NUP210: variants seen among roughly 807,000 people sequenced by gnomAD.
NUP210 encodes the protein nuclear pore membrane glycoprotein 210.
Under a neutral mutation model 196.0 loss-of-function variants are expected in NUP210, and 151 were observed. The observed-to-expected ratio is 0.77, with a 90% confidence interval of 0.67 to 0.88. The LOEUF (loss-of-function observed/expected upper bound fraction) is 0.88. NUP210 is among the 40% of genes least tolerant of loss of function. The pLI, the probability that NUP210 is intolerant of heterozygous loss-of-function variation, is 0.00. For missense variants in NUP210, 2,314 were observed against 2,493.7 expected (o/e 0.93, Z 1.53); for synonymous variants, 1,070 against 1,052.7 (o/e 1.02, Z -0.32).
chr3:13,333,808 A>AC (rs1276841533), intron 28 of NUP210, among the ~76,000 whole-genome samples: 2 of 152,092 alleles, frequency 1.3e-5, no homozygotes. Context: ...TTTTTTTTAA[A>AC]CCATGCATTC....
intron 33 of NUP210, 111 bp downstream of exon 33, chr3:13,325,684 C>G: frequency 2.3e-6 from 3 of 1,308,580 alleles, no homozygotes; most frequent in Non-Finnish European, 3.2e-6. Context: ...CCAGACCCAA[C>G]CCCTCAGACG....
rs771527241 is a variant in NUP210, at chr3:13,353,947, T to A, written c.2489A>T (p.Gln830Leu). The change falls in exon 17 of 40, where the codon CAG becomes CTG. Residue 830 changes from glutamine (Q) to leucine (L), a missense_variant. Transcript: ENST00000254508. ...EPELPMQLVS[Q>L]DDESGQKKLH... ...CTTCTTTTGGCCACTCTCATCGTCC[T>A]GGGACACCAGCTGCATGGGCAGCTC... 4 of 1,610,248 alleles carry A rather than the reference T, an allele frequency of 2.5e-6. No individual in the cohort carries two copies. In the African/African-American group the frequency reaches 5.3e-5, roughly 21 times the overall value.
chr3:13,377,046 T>A (rs1013482041), intron 9 of NUP210, among the ~76,000 whole-genome samples: 42 of 152,170 alleles, frequency 2.8e-4, no homozygotes, highest in Admixed American at 4.6e-4. Context: ...TTCCAGGTAT[T>A]TCTGGAACCC....
In NUP210 at chr3:13,348,612, G is replaced by A. The variant is rs1576370136; in HGVS notation, c.2835+3267C>T. On this transcript the variant is annotated intron_variant, in intron 20 of 39. Coordinates refer to ENST00000254508, the MANE Select transcript of NUP210 (RefSeq NM_024923.4). The surrounding 1 kb of genome is among the most constrained non-coding windows in gnomAD (Gnocchi z 4.0). ...TGGCTGGAGGAAGAGCTGGGGAATT[G>A]TTCTTTCTTCTATGAGGGGATAAGA... The A allele has an allele frequency of 2.0e-6, 2 of 985,446 alleles. No individual in the cohort carries two copies. The highest frequency in any genetic ancestry group is 2.4e-6 in the Non-Finnish European group (2 of 829,928). 61.0% of individuals were successfully genotyped at this position (985,446 alleles called of 1,614,324 possible). A position where few individuals can be genotyped will look rare whatever the true frequency, so the allele number is the denominator to read the frequency against.
chr3:13,393,450 T>A (rs904636264), intron 3 of NUP210, among the ~76,000 whole-genome samples: 2 of 152,236 alleles, frequency 1.3e-5, no homozygotes, highest in African/African-American at 4.8e-5. Context: ...GCAGAAAGTG[T>A]CCTTAGGCTT....
rs1021819528 is a variant in NUP210, at chr3:13,386,378, C to T, written c.714G>A (p.Leu238=). The T allele has an allele frequency of 6.2e-7, 1 of 1,614,064 alleles. No homozygotes were observed. The highest frequency in any genetic ancestry group is 1.3e-5 in the African/African-American group (1 of 74,922). ...KNVRPAEVRL[L]ILENILLNPA... Reference sequence around the variant, plus strand: ...GGTTCAGAAGGATGTTTTCCAAAATCAGCAGCCTGACTTCTGCAGGGCGTA... The same window carrying T: ...GGTTCAGAAGGATGTTTTCCAAAATTAGCAGCCTGACTTCTGCAGGGCGTA... Residue 238 remains leucine, a synonymous_variant, in exon 6 of 40, where the codon CTG becomes CTA. Coordinates refer to ENST00000254508, the MANE Select transcript of NUP210 (RefSeq NM_024923.4).
intron 33 of NUP210, among the ~76,000 whole-genome samples, chr3:13,324,663 G>A (rs889117177): frequency 6.6e-6 from 1 of 152,120 alleles, no homozygotes; most frequent in Non-Finnish European, 1.5e-5. Flanking sequence ...CCCAGCTGAG[G>A]GCCTGGCCTC....
chr3:13,411,216 A>T (rs1057257823), intron 1 of NUP210, among the ~76,000 whole-genome samples: 2 of 152,180 alleles, frequency 1.3e-5, no homozygotes, highest in Non-Finnish European at 2.9e-5. Flanking sequence ...TGGGTGATAG[A>T]GCAAGAATCT....
At chr3:13,331,142 G>A (rs1221077345) in intron 29 of NUP210, among the ~76,000 whole-genome samples, 2 of 152,120 alleles carry the variant, frequency 1.3e-5, no homozygotes, top group South Asian at 2.1e-4. Context: ...CTTGGTAAAA[G>A]GTGTGTAATG....
Position 13,354,081 on chromosome 3 carries a change from G to T in NUP210, c.2355C>A (p.Pro785=). 6.3e-7 allele frequency: 1 copy of T among 1,598,352 alleles called. No homozygotes were observed. Among genetic ancestry groups the T allele is most frequent in the Admixed American group, 1.7e-5 (1 of 57,938 alleles). The change falls in exon 17 of 40, where the codon CCC becomes CCA. Residue 785 remains proline (P), a synonymous_variant. Coordinates refer to ENST00000254508, the MANE Select transcript of NUP210 (RefSeq NM_024923.4). ...QVVPVSSHRN[P]RLDLAAYDQE... is the part of the protein sequence containing the mutation. ...GGTCGTAAGCAGCCAGGTCCAGCCG[G>T]GGGTTGCGGTGGCTGGACACTGGGA...
Position 13,329,305 on chromosome 3 carries a change from C to T in NUP210, c.4111-359G>A, listed in dbSNP as rs77178163. 4.9e-3 allele frequency among the ~76,000 whole-genome samples: 742 copies of T among 152,308 alleles called. 8 individuals are homozygous for T. The highest frequency in any genetic ancestry group is 0.025 in the East Asian group (129 of 5,172). On this transcript the variant is annotated intron_variant, in intron 30 of 39. Transcript: ENST00000254508. ...CTGGCTCTTGGGGCATTTAAAGAAA[C>T]GAAATCCTCCTCGATCGCAGGGGCA...
chr3:13,319,179 G>C, intron 38 of NUP210, 24 bp from the exon 39 acceptor site: 2 of 1,611,720 alleles, frequency 1.2e-6, no homozygotes, highest in African/African-American at 1.3e-5. Context: ...GGGTTGGTTA[G>C]AGCAGGTCGG....
rs758498924 is a variant in NUP210, at chr3:13,322,265, A to C, written c.4843T>G (p.Phe1615Val). ...GGGAAATCAAAGACGGCCGGCTTGA[A>C]CTGGGACTGGCAGCTGATGAGGGTC... is the stretch of plus-strand genomic sequence containing the variant. ...PETLISCQSQ[F>V]KPAVFDFPSQ... is the part of the protein sequence containing the mutation. The change falls in exon 35 of 40, where the codon TTC becomes GTC. Residue 1615 changes from phenylalanine (F) to valine (V), a missense_variant. Phe to Val is a conservative substitution (Grantham distance 50). Coordinates refer to ENST00000254508, the MANE Select transcript of NUP210 (RefSeq NM_024923.4). 1 of 1,614,216 alleles carries C rather than the reference A, an allele frequency of 6.2e-7. No homozygotes were observed. Among genetic ancestry groups the C allele is most frequent in the Non-Finnish European group, 8.5e-7 (1 of 1,180,042 alleles).
chr3:13,419,055 G>A (rs1257317235), intron 1 of NUP210, among the ~76,000 whole-genome samples: 3 of 149,296 alleles, frequency 2.0e-5, no homozygotes, highest in Non-Finnish European at 4.5e-5. Flanking sequence ...TTACATACAC[G>A]CACAGACTAA....
chr3:13,365,336 G>T (rs779883384), intron 14 of NUP210, among the ~76,000 whole-genome samples: 1 of 152,178 alleles, frequency 6.6e-6, no homozygotes, highest in Non-Finnish European at 1.5e-5. Flanking sequence ...CATTTTACAG[G>T]CAGGGAATGT....
chr3:13,324,209 A>C (rs1031025769), intron 33 of NUP210, among the ~76,000 whole-genome samples: 1 of 151,050 alleles, frequency 6.6e-6, no homozygotes, highest in Non-Finnish European at 1.5e-5. Flanking sequence ...CTAGCCTGGG[A>C]CCCCCCAACG....
At position 13,379,675 on chromosome 3, in the gene NUP210, G is replaced by T. The variant is rs566581458; in HGVS notation, c.864C>A (p.Ser288Arg). The stretch of plus-strand genomic sequence containing the variant: ...CTGGGTCTCCTTCGGGGCCCGGGAT[G>T]CTGTTCTGAAGCTGCAACTCGTACT... Reference protein sequence around the residue: ...SDQYELQLQNSIPGPEGDPAR... With the variant: ...SDQYELQLQNRIPGPEGDPAR... Residue 288 changes from serine to arginine, a missense_variant, in exon 7 of 40, where the codon AGC (serine) becomes AGA (arginine). By Grantham distance (110) the Ser-to-Arg change is moderately radical. Coordinates refer to ENST00000254508, the MANE Select transcript of NUP210 (RefSeq NM_024923.4). The surrounding 1 kb of genome is among the most constrained non-coding windows in gnomAD (Gnocchi z 4.2). 6.2e-5 allele frequency: 100 copies of T among 1,613,768 alleles called. 1 individual carries two copies. In the South Asian group the frequency reaches 1.1e-3, roughly 17 times the overall value.
intron 4 of NUP210, among the ~76,000 whole-genome samples, chr3:13,388,692 A>G (rs1559341309): frequency 6.6e-6 from 1 of 152,330 alleles, no homozygotes; most frequent in East Asian, 1.9e-4. Context: ...CTTTGTCTCC[A>G]AGATGCCTGG....
intron 14 of NUP210, among the ~76,000 whole-genome samples, chr3:13,361,187 C>G (rs142498472): frequency 1.2e-4 from 19 of 152,342 alleles, no homozygotes; most frequent in Middle Eastern, 3.4e-3. Flanking sequence ...ATACTTTGCA[C>G]CACGTATGCA....
Sources: allele counts gnomAD v4.1 joint callset (sites outside exome capture counted in the v4.1 genomes callset), GRCh38; gene constraint gnomAD v4.1.1; non-coding constraint Gnocchi (gnomAD v3.1); transcripts MANE v1.5; gene names NCBI Gene and HGNC (gene_info 2026-07-23, HGNC 2026-07-21).